Variants in ABLIM1 observed in about 807,000 individuals in gnomAD.
The protein encoded by ABLIM1 is actin binding LIM protein 1.
In ABLIM1, 40 loss-of-function variants were observed where a neutral mutation model predicts 107.0. That is an observed-to-expected ratio of 0.37 (90% confidence interval 0.29 to 0.49). The LOEUF is 0.49. Among genes scored for constraint, ABLIM1 ranks in the 20% least tolerant of loss-of-function variants. ABLIM1 has a pLI of 0.97. For missense variants in ABLIM1, 857 were observed against 1,008.5 expected (o/e 0.85, Z 2.04); for synonymous variants, 357 against 357.3 (o/e 1.00, Z 0.01).
At chr10:114,565,809 T>C (rs1204258694) in intron 4 of ABLIM1, among the ~76,000 whole-genome samples, 1 of 120,258 alleles carries the variant, frequency 8.3e-6, no homozygotes, top group Non-Finnish European at 1.7e-5. Flanking sequence ...TTTTTTTTTT[T>C]TTTGAGACAG....
chr10:114,635,680 C>G (rs1223299588), intron 1 of ABLIM1, among the ~76,000 whole-genome samples: 1 of 152,206 alleles, frequency 6.6e-6, no homozygotes, highest in Admixed American at 6.5e-5. Flanking sequence ...CGCCACCACG[C>G]CTGGCTAATT....
intron 10 of ABLIM1, among the ~76,000 whole-genome samples, chr10:114,470,251 C>T (rs1362488629): frequency 1.3e-5 from 2 of 151,936 alleles, no homozygotes; most frequent in Non-Finnish European, 2.9e-5. Context: ...GGAGAAACCC[C>T]AACTCTACTG....
At chr10:114,625,090 C>G (rs954323867) in intron 1 of ABLIM1, among the ~76,000 whole-genome samples, 5 of 152,146 alleles carry the variant, frequency 3.3e-5, no homozygotes, top group Admixed American at 6.6e-5. Context: ...TTAGACCTTA[C>G]TTAGGAAATG....
intron 1 of ABLIM1, among the ~76,000 whole-genome samples, chr10:114,738,196 G>T (rs192547391): frequency 1.1e-4 from 17 of 152,112 alleles, no homozygotes; most frequent in African/African-American, 3.9e-4. Flanking sequence ...CTACAGGCAC[G>T]TGCCACCGTG....
At chr10:114,799,462 T>C in the ABLIM1 span, among the ~76,000 whole-genome samples, 1 of 152,198 alleles carries the variant, frequency 6.6e-6, no homozygotes, top group Non-Finnish European at 1.5e-5. Context: ...ATCTGACAGA[T>C]TGAAAACAGA....
At chr10:114,485,139 A>T (rs1206177889) in intron 8 of ABLIM1, among the ~76,000 whole-genome samples, 1 of 152,266 alleles carries the variant, frequency 6.6e-6, no homozygotes, top group Non-Finnish European at 1.5e-5. Context: ...AGAAGACAAC[A>T]GCCAGAGTCA....
At chr10:114,539,419 G>A (rs1289314974) in intron 6 of ABLIM1, among the ~76,000 whole-genome samples, 4 of 152,142 alleles carry the variant, frequency 2.6e-5, no homozygotes, top group Non-Finnish European at 5.9e-5. Context: ...TGGTGTTCCA[G>A]AGAAGATTCC....
chr10:114,519,116 T>C (rs972192853), intron 6 of ABLIM1, among the ~76,000 whole-genome samples: 6 of 152,172 alleles, frequency 3.9e-5, no homozygotes, highest in Non-Finnish European at 7.3e-5. Context: ...GAGAAGTAGT[T>C]CAAGAGGCAG....
At chr10:114,456,165 C>T (rs1230319358) in intron 12 of ABLIM1, among the ~76,000 whole-genome samples, 1 of 152,112 alleles carries the variant, frequency 6.6e-6, no homozygotes, top group Non-Finnish European at 1.5e-5. Context: ...TGAAGAACGT[C>T]GTTTATTTCA....
At chr10:114,475,616 T>C (rs1233005045) in intron 8 of ABLIM1, among the ~76,000 whole-genome samples, 1 of 152,232 alleles carries the variant, frequency 6.6e-6, no homozygotes, top group Admixed American at 6.5e-5. Context: ...ACTTGACTTA[T>C]GTTAATTACA....
rs551255182 is a variant in ABLIM1 at position 114,518,941 on chromosome 10, G to C, written c.894+26064C>G. ...GAGTTTTTAGGATGAGACAAGAAAA[G>C]CTCCATAGGCATGGGAAAGGGAAGT... On this transcript the variant is annotated intron_variant, in intron 6 of 22. Coordinates refer to ENST00000533213, the MANE Select transcript of ABLIM1 (RefSeq NM_002313.7). 5.9e-5 allele frequency among the ~76,000 whole-genome samples: 9 copies of C among 152,220 alleles called. No homozygotes were observed. The South Asian group carries it at 1.5e-3, about 25-fold the overall frequency.
At chr10:114,596,169 C>T (rs1400964925) in intron 2 of ABLIM1, among the ~76,000 whole-genome samples, 1 of 152,176 alleles carries the variant, frequency 6.6e-6, no homozygotes, top group Non-Finnish European at 1.5e-5. Flanking sequence ...ATTGCACCTG[C>T]TACTGCCTTA....
intron 17 of ABLIM1, among the ~76,000 whole-genome samples, chr10:114,442,339 A>T (rs1286708682): frequency 6.6e-6 from 1 of 152,208 alleles, no homozygotes; most frequent in East Asian, 1.9e-4. Context: ...GATACAGGGT[A>T]TCTGTCAATG....
intron 4 of ABLIM1, among the ~76,000 whole-genome samples, chr10:114,556,100 C>G (rs2068698384): frequency 6.6e-6 from 1 of 151,982 alleles, no homozygotes; most frequent in South Asian, 2.1e-4. Context: ...AATTTAAGTT[C>G]TAGGGTTTGG....
intron 1 of ABLIM1, among the ~76,000 whole-genome samples, chr10:114,727,276 A>G (rs2081980224): frequency 6.6e-6 from 1 of 152,244 alleles, no homozygotes; most frequent in South Asian, 2.1e-4. Context: ...AGTTAACAAG[A>G]TAAAATTTCA....
At chr10:114,477,062 A>G (rs2056560273) in intron 8 of ABLIM1, among the ~76,000 whole-genome samples, 1 of 152,142 alleles carries the variant, frequency 6.6e-6, no homozygotes, top group African/African-American at 2.4e-5. Flanking sequence ...TCAGTGCTCC[A>G]AGCCACACAG....
At chr10:114,737,141 T>C (rs2082197212) in intron 1 of ABLIM1, among the ~76,000 whole-genome samples, 1 of 151,914 alleles carries the variant, frequency 6.6e-6, no homozygotes, top group Non-Finnish European at 1.5e-5. Flanking sequence ...CTGGCCAACA[T>C]GGGAAAACTC....
chr10:114,669,074 A>T (rs957890453), intron 1 of ABLIM1, among the ~76,000 whole-genome samples: 1 of 152,250 alleles, frequency 6.6e-6, no homozygotes, highest in Non-Finnish European at 1.5e-5. Flanking sequence ...TCTTTCATTT[A>T]GGTTATCTTG....
At chr10:114,589,922 G>A (rs2139572183) in intron 2 of ABLIM1, among the ~76,000 whole-genome samples, 1 of 152,188 alleles carries the variant, frequency 6.6e-6, no homozygotes, top group Admixed American at 6.5e-5. Flanking sequence ...GGCCTTCACA[G>A]TCACTCCCCA....
Sources: gnomAD v4.1 joint callset for allele counts (sites outside exome capture counted in the v4.1 genomes callset) on GRCh38, gnomAD v4.1.1 for gene constraint, MANE v1.5 for transcripts, NCBI Gene and HGNC (gene_info 2026-07-23, HGNC 2026-07-21) for gene names.